EXT1: variants seen among roughly 807,000 people sequenced by gnomAD.
EXT1 encodes the protein exostosin glycosyltransferase 1, also known as exostosin-1.
A neutral mutation model predicts 82.5 loss-of-function variants in EXT1; 20 were observed. The observed-to-expected ratio is 0.24, with a 90% confidence interval of 0.17 to 0.35. The LOEUF (loss-of-function observed/expected upper bound fraction) is 0.35, where lower values mean the gene tolerates loss of function less well. EXT1 is among the 10% of genes least tolerant of loss of function. The pLI is 1.00. For missense variants in EXT1, 757 were observed against 936.5 expected (o/e 0.81, Z 2.50); for synonymous variants, 348 against 350.8 (o/e 0.99, Z 0.09).
At chr8:117,819,615 G>T (rs1046274167) in intron 6 of EXT1, 61 bp downstream of exon 6, 1 of 1,410,956 alleles carries the variant, frequency 7.1e-7, no homozygotes, top group Non-Finnish European at 1.0e-6. Flanking sequence ...AGGTAAGGAG[G>T]GCGGAGTCTC....
At chr8:118,014,695 C>T (rs1027172334) in intron 1 of EXT1, among the ~76,000 whole-genome samples, 5 of 152,012 alleles carry the variant, frequency 3.3e-5, no homozygotes, top group African/African-American at 1.2e-4. Flanking sequence ...TCGCCTCAGC[C>T]CCGAAAGTGC....
chr8:117,867,847 G>A (rs543260315), intron 1 of EXT1, among the ~76,000 whole-genome samples: 5 of 152,178 alleles, frequency 3.3e-5, no homozygotes, highest in African/African-American at 9.7e-5. Context: ...TTCATCATAT[G>A]AGCTTGCATG....
chr8:118,091,465 G>A (rs189774592), intron 1 of EXT1, among the ~76,000 whole-genome samples: 91 of 152,182 alleles, frequency 6.0e-4, no homozygotes, highest in Admixed American at 3.3e-4. Flanking sequence ...TCGGCCGGGC[G>A]CGGTGGCTCA....
intron 1 of EXT1, among the ~76,000 whole-genome samples, chr8:117,928,274 T>C (rs1021510574): frequency 6.6e-6 from 1 of 152,168 alleles, no homozygotes; most frequent in Non-Finnish European, 1.5e-5. Context: ...GAAATTCTAT[T>C]TGAATGAGTG....
chr8:117,881,757 C>A (rs1002847091), intron 1 of EXT1, among the ~76,000 whole-genome samples: 38 of 152,216 alleles, frequency 2.5e-4, no homozygotes, highest in African/African-American at 8.2e-4. Context: ...GTTGGCCAAT[C>A]CTTCTTCCCT....
intron 1 of EXT1, among the ~76,000 whole-genome samples, chr8:117,961,139 T>TCCTTCCC (rs1057241199): frequency 2.6e-5 from 4 of 151,742 alleles, no homozygotes; most frequent in Non-Finnish European, 4.4e-5. Flanking sequence ...CCTCCTTCCC[T>TCCTTCCC]CCTTCCTTCC....
chr8:117,886,033 G>A (rs1813142199), intron 1 of EXT1, among the ~76,000 whole-genome samples: 1 of 152,090 alleles, frequency 6.6e-6, no homozygotes, highest in Admixed American at 6.6e-5. Flanking sequence ...CCAATTGTGT[G>A]ACCTCTCCCT....
At chr8:118,061,591 T>C (rs1304796639) in intron 1 of EXT1, among the ~76,000 whole-genome samples, 1 of 152,208 alleles carries the variant, frequency 6.6e-6, no homozygotes, top group Non-Finnish European at 1.5e-5. Flanking sequence ...TCTCCCATGA[T>C]GGCCTCCACA....
At chr8:118,027,313 T>TCACACACACA (rs71307421) in intron 1 of EXT1, among the ~76,000 whole-genome samples, 4 of 145,520 alleles carry the variant, frequency 2.7e-5, no homozygotes, top group South Asian at 2.2e-4. Flanking sequence ...TCAGTTTCTT[T>TCACACACACA]CACACACACA....
intron 1 of EXT1, among the ~76,000 whole-genome samples, chr8:118,001,931 C>T (rs1192801920): frequency 1.3e-5 from 2 of 152,188 alleles, no homozygotes; most frequent in African/African-American, 2.4e-5. Flanking sequence ...TTAAAATTTA[C>T]TAATGCATCA....
intron 1 of EXT1, among the ~76,000 whole-genome samples, chr8:118,037,309 A>G (rs562796663): frequency 2.0e-5 from 3 of 152,096 alleles, no homozygotes; most frequent in Non-Finnish European, 2.9e-5. Flanking sequence ...ACAAACACAC[A>G]GGGTCACATG....
At chr8:117,890,221 A>G (rs1313594280) in intron 1 of EXT1, among the ~76,000 whole-genome samples, 1 of 152,268 alleles carries the variant, frequency 6.6e-6, no homozygotes, top group Non-Finnish European at 1.5e-5. Flanking sequence ...TTATTTGAAT[A>G]ATATCAAAAG....
chr8:118,089,898 G>T (rs1040293488), intron 1 of EXT1, among the ~76,000 whole-genome samples: 1 of 152,112 alleles, frequency 6.6e-6, no homozygotes, highest in South Asian at 2.1e-4. Context: ...AAGAGGGAGG[G>T]TTACTGAAAA....
intron 1 of EXT1, among the ~76,000 whole-genome samples, chr8:117,845,712 C>T (rs187025404): frequency 6.6e-6 from 1 of 151,982 alleles, no homozygotes; most frequent in African/African-American, 2.4e-5. Flanking sequence ...TCCCAGTCCC[C>T]AAAGTATTGA....
At chr8:118,039,043 C>A (rs1816478343) in intron 1 of EXT1, among the ~76,000 whole-genome samples, 1 of 152,142 alleles carries the variant, frequency 6.6e-6, no homozygotes, top group South Asian at 2.1e-4. Context: ...AATGTAGGTC[C>A]CCTCAGGGCA....
At position 117,925,097 on chromosome 8, in the gene EXT1, C is replaced by G. The variant is rs532531267; in HGVS notation, c.963-87896G>C. The stretch of plus-strand genomic sequence containing the variant: ...TAAAAAGAAACCACGATAATGCTAT[C>G]CCAATCCCAATCCCGCAGATTCTAA... On this transcript the variant is annotated intron_variant, in intron 1 of 10. Transcript: ENST00000378204. Among the ~76,000 whole-genome samples, 22 of 152,278 alleles carry G rather than the reference C, an allele frequency of 1.4e-4. 1 individual carries two copies. In the South Asian group the frequency reaches 2.7e-3, roughly 19 times the overall value.
At chr8:118,065,795 G>A (rs1276822579) in intron 1 of EXT1, among the ~76,000 whole-genome samples, 1 of 152,202 alleles carries the variant, frequency 6.6e-6, no homozygotes, top group Non-Finnish European at 1.5e-5. Context: ...TTTAGTGGGT[G>A]GGCATTTTTA....
At chr8:117,938,008 G>A (rs565894634) in intron 1 of EXT1, among the ~76,000 whole-genome samples, 2 of 152,344 alleles carry the variant, frequency 1.3e-5, no homozygotes, top group South Asian at 4.1e-4. Flanking sequence ...TGAAACTGCA[G>A]TACCAGACAC....
chr8:117,970,548 G>C (rs907234322), intron 1 of EXT1, among the ~76,000 whole-genome samples: 1 of 152,000 alleles, frequency 6.6e-6, no homozygotes, highest in African/African-American at 2.4e-5. Context: ...CTTGTGATCT[G>C]CCTGCCTCAG....
Sources: gnomAD v4.1 joint callset for allele counts (sites outside exome capture counted in the v4.1 genomes callset) on GRCh38, gnomAD v4.1.1 for gene constraint, MANE v1.5 for transcripts, NCBI Gene and HGNC (gene_info 2026-07-23, HGNC 2026-07-21) for gene names.